TMTC2: variants seen among roughly 807,000 people sequenced by gnomAD.
The protein encoded by TMTC2 is transmembrane O-mannosyltransferase targeting cadherins 2.
TMTC2 carries 43 observed loss-of-function variants against 82.4 expected under a neutral mutation model. The ratio of observed to expected loss-of-function variants is 0.52; its 90% CI spans 0.41 to 0.67. The LOEUF is 0.67. TMTC2 is among the 30% of genes least tolerant of loss of function. The pLI is 0.00. For synonymous variants in TMTC2, 408 were observed against 381.9 expected (o/e 1.07, Z -0.80); for missense variants, 919 against 1,012.4 (o/e 0.91, Z 1.25).
intron 1 of TMTC2, among the ~76,000 whole-genome samples, chr12:82,721,779 G>A (rs947145756): frequency 1.3e-5 from 2 of 152,176 alleles, no homozygotes; most frequent in African/African-American, 4.8e-5. Flanking sequence ...TTAATAATAT[G>A]TGTGACTATT....
At chr12:82,775,424 T>G (rs1877536975) in intron 1 of TMTC2, among the ~76,000 whole-genome samples, 5 of 150,350 alleles carry the variant, frequency 3.3e-5, no homozygotes, top group Non-Finnish European at 5.9e-5. Flanking sequence ...TACACCAGCC[T>G]GGGCAACAGA....
chr12:82,963,021 T>C (rs1432620488), intron 4 of TMTC2, among the ~76,000 whole-genome samples: 2 of 151,950 alleles, frequency 1.3e-5, no homozygotes, highest in African/African-American at 4.8e-5. Flanking sequence ...GAGTTTCACA[T>C]AGGTGCACTA....
chr12:83,108,320 A>G (rs2137542468), intron 11 of TMTC2, among the ~76,000 whole-genome samples: 1 of 152,232 alleles, frequency 6.6e-6, no homozygotes, highest in East Asian at 1.9e-4. Flanking sequence ...CCAAGTAAAA[A>G]TGTGATCAGT....
At chr12:82,696,827 T>C (rs1014622063) in intron 1 of TMTC2, among the ~76,000 whole-genome samples, 1 of 152,056 alleles carries the variant, frequency 6.6e-6, no homozygotes, top group South Asian at 2.1e-4. Context: ...CCTGCTTTCA[T>C]ATGGACAATT....
intron 1 of TMTC2, among the ~76,000 whole-genome samples, chr12:82,770,137 A>G (rs1877206521): frequency 6.6e-6 from 1 of 152,216 alleles, no homozygotes; most frequent in Non-Finnish European, 1.5e-5. Context: ...TATAAAATGT[A>G]TAACTGCAAG....
chr12:82,907,478 A>G (rs1874386284), intron 3 of TMTC2, among the ~76,000 whole-genome samples: 1 of 151,892 alleles, frequency 6.6e-6, no homozygotes, highest in Admixed American at 6.6e-5. Context: ...CATCTCAAAA[A>G]AAAAAAAAGA....
At chr12:82,773,243 G>C (rs1050154890) in intron 1 of TMTC2, among the ~76,000 whole-genome samples, 9 of 152,080 alleles carry the variant, frequency 5.9e-5, no homozygotes, top group African/African-American at 2.2e-4. Flanking sequence ...TGAGAGTCTT[G>C]TTTCAAATTG....
chr12:82,802,583 G>A (rs957571697), intron 1 of TMTC2, among the ~76,000 whole-genome samples: 20 of 152,146 alleles, frequency 1.3e-4, no homozygotes, highest in Non-Finnish European at 2.2e-4. Flanking sequence ...TTTCTAATTC[G>A]ATAATTCAAG....
chr12:83,055,445 A>G (rs1409836569), intron 10 of TMTC2, among the ~76,000 whole-genome samples: 1 of 152,102 alleles, frequency 6.6e-6, no homozygotes, highest in Non-Finnish European at 1.5e-5. Flanking sequence ...AGCATAAAAA[A>G]GCAGATTGGT....
chr12:82,830,524 C>T (rs1051161913), intron 1 of TMTC2, among the ~76,000 whole-genome samples: 2 of 152,058 alleles, frequency 1.3e-5, no homozygotes, highest in African/African-American at 4.8e-5. Context: ...GCAATATGTC[C>T]TAGAAGCCTT....
intron 2 of TMTC2, among the ~76,000 whole-genome samples, chr12:82,880,554 G>C (rs891327965): frequency 6.6e-6 from 1 of 152,132 alleles, no homozygotes; most frequent in Non-Finnish European, 1.5e-5. Context: ...TCAGTTAACC[G>C]GTCCCTTCCA....
chr12:82,743,335 G>A (rs1875515278), intron 1 of TMTC2, among the ~76,000 whole-genome samples: 2 of 151,846 alleles, frequency 1.3e-5, no homozygotes, highest in South Asian at 2.1e-4. Flanking sequence ...TAGCTACTCG[G>A]TAGGCTGAGG....
intron 11 of TMTC2, among the ~76,000 whole-genome samples, chr12:83,076,474 T>A (rs1883286242): frequency 6.6e-6 from 1 of 152,232 alleles, no homozygotes; most frequent in Admixed American, 6.5e-5. Context: ...CACACTAAAA[T>A]TACAGTTAGT....
chr12:83,108,994 G>C (rs12320842), intron 11 of TMTC2, among the ~76,000 whole-genome samples: 23,341 of 151,986 alleles, frequency 0.15, 2,132 homozygotes, highest in African/African-American at 0.25. Flanking sequence ...CATTCCATTT[G>C]TTCTCCCTAA....
rs192032297 is a variant in TMTC2 at position 82,859,997 on chromosome 12, C to T, written c.654+2417C>T. Among the ~76,000 whole-genome samples, 871 of 152,036 alleles carry T rather than the reference C, an allele frequency of 5.7e-3. 8 individuals carry two copies. Among genetic ancestry groups the T allele is most frequent in the Non-Finnish European group, 7.4e-3 (503 of 67,976 alleles). On this transcript the variant is annotated intron_variant, in intron 2 of 11. Coordinates refer to ENST00000321196, the MANE Select transcript of TMTC2 (RefSeq NM_152588.3). Reference sequence around the variant, plus strand: ...TTGTTGTTGTTGTTGTTTTTGAGACCGAGTCTTGCCCTGTCGCCTAGGCTG... The same window carrying T: ...TTGTTGTTGTTGTTGTTTTTGAGACTGAGTCTTGCCCTGTCGCCTAGGCTG...
chr12:82,998,722 C>T (rs1361583746), intron 8 of TMTC2, among the ~76,000 whole-genome samples: 2 of 152,104 alleles, frequency 1.3e-5, no homozygotes, highest in Non-Finnish European at 2.9e-5. Context: ...TCACCCTCCA[C>T]ATTTAGCAGT....
intron 1 of TMTC2, among the ~76,000 whole-genome samples, chr12:82,756,218 C>T (rs1876316165): frequency 6.6e-6 from 1 of 152,052 alleles, no homozygotes; most frequent in Admixed American, 6.6e-5. Context: ...TACTAAAAAG[C>T]TTGTAAAATT....
intron 11 of TMTC2, among the ~76,000 whole-genome samples, chr12:83,092,669 C>T (rs976567606): frequency 1.4e-4 from 22 of 152,122 alleles, no homozygotes; most frequent in Non-Finnish European, 2.1e-4. Context: ...GGTTGTTTTG[C>T]GTAGTTCAAT....
intron 1 of TMTC2, among the ~76,000 whole-genome samples, chr12:82,821,585 T>C (rs1159253724): frequency 6.6e-6 from 1 of 152,128 alleles, no homozygotes; most frequent in Non-Finnish European, 1.5e-5. Flanking sequence ...TTTACTGGAT[T>C]CCTGCTATGT....
Sources: gnomAD v4.1 joint callset for allele counts (sites outside exome capture counted in the v4.1 genomes callset) on GRCh38, gnomAD v4.1.1 for gene constraint, MANE v1.5 for transcripts, NCBI Gene and HGNC (gene_info 2026-07-23, HGNC 2026-07-21) for gene names.